The following LYN variants were observed in gnomAD, a reference collection of about 807,000 sequenced individuals.
LYN encodes the protein LYN proto-oncogene, Src family tyrosine kinase, also known as tyrosine-protein kinase Lyn.
LYN carries 12 observed loss-of-function variants against 65.0 expected under a neutral mutation model. The observed-to-expected ratio is 0.18, with a 90% confidence interval of 0.12 to 0.30. The LOEUF is 0.30. Ranked by LOEUF, LYN falls within the 10% of genes least tolerant of loss-of-function variation. The probability of loss-of-function intolerance (pLI) is 1.00; values close to 1 mark genes in which losing one functional copy is unlikely to be tolerated. For synonymous variants in LYN, 222 were observed against 221.2 expected, an observed-to-expected ratio of 1.00 and a Z score of -0.03; for missense variants, 380 against 623.2, an observed-to-expected ratio of 0.61 and a Z score of 4.16.
At chr8:55,899,395 A>C (rs1192897712) in intron 1 of LYN, among the ~76,000 whole-genome samples, 1 of 152,240 alleles carries the variant, frequency 6.6e-6, no homozygotes, top group African/African-American at 2.4e-5. Context: ...TTTTTAAAAA[A>C]TCACAGTTGT....
intron 8 of LYN, among the ~76,000 whole-genome samples, chr8:55,965,665 G>T (rs949309285): frequency 1.3e-5 from 2 of 152,122 alleles, no homozygotes; most frequent in African/African-American, 2.4e-5. Flanking sequence ...GTTTATATGT[G>T]TGTGTCTGTG....
intron 1 of LYN, among the ~76,000 whole-genome samples, chr8:55,913,661 T>A (rs928038150): frequency 2.0e-5 from 3 of 152,204 alleles, no homozygotes; most frequent in African/African-American, 7.2e-5. Context: ...CTGAAGGTAC[T>A]GAGTAGAATA....
At chr8:55,963,732 T>C (rs907425) in intron 8 of LYN, among the ~76,000 whole-genome samples, 76,425 of 152,140 alleles carry the variant, frequency 0.5, 20,435 homozygotes, top group African/African-American at 0.67. Flanking sequence ...CCCTTCCAAG[T>C]CTTTGCCTAT....
At chr8:55,884,997 C>T (rs1420573716) in intron 1 of LYN, among the ~76,000 whole-genome samples, 1 of 152,180 alleles carries the variant, frequency 6.6e-6, no homozygotes, top group Non-Finnish European at 1.5e-5. Flanking sequence ...TCTTCCATGG[C>T]ATTGCTCTTT....
intron 1 of LYN, among the ~76,000 whole-genome samples, chr8:55,918,270 C>T (rs1019197755): frequency 6.6e-6 from 1 of 152,234 alleles, no homozygotes; most frequent in Non-Finnish European, 1.5e-5. Flanking sequence ...CACCCCATTC[C>T]TCCCTCTCCT....
intron 1 of LYN, among the ~76,000 whole-genome samples, chr8:55,915,422 G>T (rs1224686170): frequency 6.6e-6 from 1 of 152,152 alleles, no homozygotes; most frequent in Non-Finnish European, 1.5e-5. Flanking sequence ...TTTAAATTTT[G>T]TGATCTTGGG....
intron 12 of LYN, 96 bp downstream of exon 12, chr8:55,999,645 C>A: frequency 8.1e-7 from 1 of 1,233,902 alleles, no homozygotes; most frequent in Non-Finnish European, 1.2e-6. Context: ...TTCATCTACC[C>A]GATAGCAAAG....
intron 8 of LYN, among the ~76,000 whole-genome samples, chr8:55,963,427 G>A (rs533466211): frequency 4.6e-5 from 7 of 152,276 alleles, no homozygotes; most frequent in African/African-American, 1.4e-4. Context: ...GTGGTTATCC[G>A]GAAGGAAGTG....
Position 55,938,649 on chromosome 8 carries a change from C to T in LYN, c.-5-3206C>T, listed in dbSNP as rs117560624. Among the ~76,000 whole-genome samples, 44 of 152,326 alleles carry T rather than the reference C, an allele frequency of 2.9e-4. No individual in the cohort carries two copies. The East Asian group carries it at 7.3e-3, about 25-fold the overall frequency. On this transcript the variant is annotated intron_variant, in intron 1 of 12. Transcript: ENST00000519728. The stretch of plus-strand genomic sequence containing the variant: ...TTTTCTGGTTTTATTTTATTAACTT[C>T]ATTATTGACTCTTTTGTGGTAAAAC...
intron 12 of LYN, among the ~76,000 whole-genome samples, chr8:56,008,052 G>A (rs972520132): frequency 2.6e-5 from 4 of 151,212 alleles, no homozygotes; most frequent in African/African-American, 9.8e-5. Flanking sequence ...CTGGGAGGCG[G>A]AGGTTGCAGT....
At chr8:55,920,792 C>G (rs575137899) in intron 1 of LYN, among the ~76,000 whole-genome samples, 9 of 150,584 alleles carry the variant, frequency 6.0e-5, no homozygotes, top group East Asian at 2.0e-4. Context: ...CACCACCCCC[C>G]CACCGGGTTC....
chr8:55,932,084 G>C (rs1448725113), intron 1 of LYN, among the ~76,000 whole-genome samples: 1 of 152,182 alleles, frequency 6.6e-6, no homozygotes, highest in East Asian at 1.9e-4. Flanking sequence ...AACCATTTGA[G>C]TTGAAAGGAT....
chr8:55,902,334 T>TA (rs375257874), intron 1 of LYN, among the ~76,000 whole-genome samples: 4 of 148,864 alleles, frequency 2.7e-5, no homozygotes, highest in African/African-American at 9.9e-5. Flanking sequence ...TTTCTTTCTT[T>TA]TTTTTTTTTT....
At chr8:55,947,076 C>T (rs796288391) in intron 3 of LYN, among the ~76,000 whole-genome samples, 30 of 152,218 alleles carry the variant, frequency 2.0e-4, no homozygotes, top group African/African-American at 3.4e-4. Flanking sequence ...GGTGAAACCC[C>T]GTCTCTACTA....
chr8:56,002,118 T>C (rs1808529875), intron 12 of LYN, among the ~76,000 whole-genome samples: 2 of 152,056 alleles, frequency 1.3e-5, no homozygotes, highest in Admixed American at 6.6e-5. Flanking sequence ...CCATCTCTAC[T>C]AAAAATATAA....
intron 11 of LYN, among the ~76,000 whole-genome samples, chr8:55,998,951 C>A (rs1199769252): frequency 6.6e-6 from 1 of 152,122 alleles, no homozygotes; most frequent in Non-Finnish European, 1.5e-5. Flanking sequence ...AAAAAATCTA[C>A]TTCTTTATTT....
chr8:55,909,141 T>G (rs13252782), intron 1 of LYN, among the ~76,000 whole-genome samples: 103,100 of 150,628 alleles, frequency 0.68, 35,457 homozygotes, highest in East Asian at 0.95. Flanking sequence ...CGAATTTGCT[T>G]CTCTGCTAAG....
rs369917988 is a variant in LYN, at chr8:55,950,416, A to G, written c.285-43A>G. Reference sequence around the variant, plus strand: ...TGATATTTTGATACATGCATGGAGTATGTAATCTTTTAGCTTCTTTTTGAT... The same window carrying G: ...TGATATTTTGATACATGCATGGAGTGTGTAATCTTTTAGCTTCTTTTTGAT... On this transcript the variant is annotated intron_variant, in intron 4 of 12. Coordinates refer to ENST00000519728, the MANE Select transcript of LYN (RefSeq NM_002350.4). The G allele has an allele frequency of 1.0e-5, 13 of 1,273,084 alleles. No homozygotes were observed. In the East Asian group the frequency reaches 1.8e-4, roughly 18 times the overall value. 78.9% of individuals were successfully genotyped at this position (1,273,084 alleles called of 1,614,324 possible).
In LYN at chr8:55,999,455, A is replaced by C. The variant is rs2130585254; in HGVS notation, c.1242A>C (p.Ala414=). 1 of 1,613,836 alleles carries C rather than the reference A, an allele frequency of 6.2e-7. No individual in the cohort carries two copies. Residue 414 remains alanine (A), a synonymous_variant, in exon 12 of 13, where the codon GCA becomes GCC. Transcript: ENST00000519728. ...KFPIKWTAPE[A]INFGCFTIKS... The stretch of plus-strand genomic sequence containing the variant: ...CTATTAAGTGGACGGCTCCAGAAGC[A>C]ATCAACTTTGGATGTTTCACTATTA...
Sources: gnomAD v4.1 joint callset for allele counts (sites outside exome capture counted in the v4.1 genomes callset) on GRCh38, gnomAD v4.1.1 for gene constraint, MANE v1.5 for transcripts, NCBI Gene and HGNC (gene_info 2026-07-23, HGNC 2026-07-21) for gene names.